NCOA1: variants seen among roughly 807,000 people sequenced by gnomAD.
NCOA1 encodes nuclear receptor coactivator 1.
NCOA1 carries 35 observed loss-of-function variants against 150.9 expected under a neutral mutation model. That is an observed-to-expected ratio of 0.23 (90% CI 0.18 to 0.31). The LOEUF is 0.31. NCOA1 is among the 10% of genes least tolerant of loss of function. The probability of loss-of-function intolerance (pLI) is 1.00; values close to 1 mark genes in which losing one functional copy is unlikely to be tolerated. For missense variants in NCOA1, 1,491 were observed against 1,749.3 expected (o/e 0.85, Z 2.63); for synonymous variants, 590 against 630.0 (o/e 0.94, Z 0.95).
intron 14 of NCOA1, among the ~76,000 whole-genome samples, chr2:24,726,145 A>G (rs1013897371): frequency 2.0e-5 from 3 of 152,130 alleles, no homozygotes; most frequent in African/African-American, 4.8e-5. Flanking sequence ...CATTTGCTGC[A>G]TGGCCTCAGA....
Position 24,768,390 on chromosome 2 carries a change from A to C in NCOA1, c.4325A>C (p.Ter1442SerextTer9). Reference sequence around the variant, plus strand: ...CTCCTTCAGCAGCTACTGACTGAATAACCACTTTTAAAGGAATGTGAAATT... The same window carrying C: ...CTCCTTCAGCAGCTACTGACTGAATCACCACTTTTAAAGGAATGTGAAATT... ...KSLLQQLLTE[*>S] is the part of the protein sequence containing the mutation. Residue 1442 changes from the stop codon to serine, a stop_lost, in exon 23 of 23, where the codon TAA becomes TCA. Transcript: ENST00000348332. The C allele has an allele frequency of 6.2e-7, 1 of 1,603,718 alleles. No homozygotes were observed. Among genetic ancestry groups the C allele is most frequent in the Non-Finnish European group, 8.5e-7 (1 of 1,173,582 alleles).
intron 3 of NCOA1, among the ~76,000 whole-genome samples, chr2:24,638,750 G>A (rs544564205): frequency 5.3e-5 from 8 of 152,252 alleles, no homozygotes; most frequent in African/African-American, 1.9e-4. Context: ...GATTAATGAT[G>A]TTGAGCATGT....
chr2:24,605,586 A>T (rs1668329430), intron 3 of NCOA1, among the ~76,000 whole-genome samples: 1 of 152,200 alleles, frequency 6.6e-6, no homozygotes, highest in Admixed American at 6.5e-5. Context: ...CCTTCCTAGA[A>T]GTAGAATTGC....
rs148492167 is a variant in NCOA1, at chr2:24,746,690, T to C, written c.3706+4504T>C. ...AACTCTAAGTATTCCTCTAATTCAT[T>C]ACCCACAGGCTAGTTCTTTCTGCTA... is the stretch of plus-strand genomic sequence containing the variant. On this transcript the variant is annotated intron_variant, in intron 19 of 22. Transcript: ENST00000348332. Among the ~76,000 whole-genome samples, 5 of 152,346 alleles carry C rather than the reference T, an allele frequency of 3.3e-5. No individual in the cohort carries two copies. In the East Asian group the frequency reaches 9.6e-4, roughly 29 times the overall value.
At chr2:24,686,206 T>A (rs1672396538) in intron 8 of NCOA1, among the ~76,000 whole-genome samples, 1 of 152,124 alleles carries the variant, frequency 6.6e-6, no homozygotes, top group Non-Finnish European at 1.5e-5. Context: ...TTTCACCATG[T>A]TGGCCAGGCT....
At chr2:24,735,267 T>C (rs574659339) in intron 17 of NCOA1, among the ~76,000 whole-genome samples, 1 of 152,296 alleles carries the variant, frequency 6.6e-6, no homozygotes, top group African/African-American at 2.4e-5. Context: ...AAAGGACTAG[T>C]GTCCAGAATA....
In NCOA1 at chr2:24,630,311, G is replaced by A. The variant is rs148837392; in HGVS notation, c.-174-13655G>A. On this transcript the variant is annotated intron_variant, in intron 3 of 22. Coordinates refer to ENST00000348332, the MANE Select transcript of NCOA1 (RefSeq NM_003743.5). ...TTAATCTTAATGCTATACTGTCTTGGTTATAAGAAGGGAATGTGGTTACCT... is the reference window on the plus strand; with the variant it reads ...TTAATCTTAATGCTATACTGTCTTGATTATAAGAAGGGAATGTGGTTACCT... Among the ~76,000 whole-genome samples the A allele has an allele frequency of 2.0e-5, 3 of 152,320 alleles. No individual in the cohort carries two copies. In the East Asian group the frequency reaches 5.8e-4, roughly 29 times the overall value.
At chr2:24,576,170 G>GTTTTTTTTTTTTTTTTTTTTTTTTTTTT (rs869093026) in intron 2 of NCOA1, among the ~76,000 whole-genome samples, 7 of 46,322 alleles carry the variant, frequency 1.5e-4, no homozygotes, top group Non-Finnish European at 3.2e-4. Context: ...TTTGTTTTTT[G>GTTTTTTTTTTTTTTTTTTTTTTTTTTTT]TTTTTTTTTT....
In NCOA1 at chr2:24,706,905, A is replaced by G. The variant is rs774055364; in HGVS notation, c.1435A>G (p.Thr479Ala). The change falls in exon 13 of 23, where the codon ACA becomes GCA. Residue 479 changes from threonine to alanine, a missense_variant. Around this residue, in one of 8 missense-constraint regions of NCOA1, gnomAD observed 703 missense variants for 717.7 expected, o/e 0.98. Transcript: ENST00000348332. ...CCTCAATAATTCTCCTATGGAAGGT[A>G]CAGGAATATCCCTAGCACAGTTCAT... is the stretch of plus-strand genomic sequence containing the variant. Reference protein sequence around the residue: ...LNLNNSPMEGTGISLAQFMSP... With the variant: ...LNLNNSPMEGAGISLAQFMSP... 37 of 1,614,110 alleles carry G rather than the reference A, an allele frequency of 2.3e-5. No individual in the cohort carries two copies. In the African/African-American group the frequency reaches 4.1e-4, roughly 18 times the overall value.
At chr2:24,580,372 A>G (rs1667148995) in intron 2 of NCOA1, among the ~76,000 whole-genome samples, 1 of 152,182 alleles carries the variant, frequency 6.6e-6, no homozygotes, top group South Asian at 2.1e-4. Context: ...CCATGGCAGA[A>G]GGTAGATCTT....
intron 19 of NCOA1, among the ~76,000 whole-genome samples, chr2:24,751,350 A>C (rs1327144950): frequency 1.3e-5 from 2 of 150,502 alleles, no homozygotes; most frequent in Non-Finnish European, 3.0e-5. Context: ...TGGGAGGCCA[A>C]GGCGGGTGGA....
chr2:24,605,267 G>A (rs775752286), intron 3 of NCOA1, among the ~76,000 whole-genome samples: 19 of 152,152 alleles, frequency 1.2e-4, no homozygotes, highest in Non-Finnish European at 2.8e-4. Flanking sequence ...AGACTTGCTT[G>A]GATCAGGGTT....
intron 4 of NCOA1, among the ~76,000 whole-genome samples, chr2:24,651,232 C>T (rs905419528): frequency 1.3e-5 from 2 of 152,016 alleles, no homozygotes; most frequent in Non-Finnish European, 2.9e-5. Context: ...GAAATCAGCT[C>T]ATAAAGCTGT....
At chr2:24,719,933 A>C (rs1674272644) in intron 14 of NCOA1, among the ~76,000 whole-genome samples, 1 of 152,254 alleles carries the variant, frequency 6.6e-6, no homozygotes, top group Non-Finnish European at 1.5e-5. Flanking sequence ...AAAGTATGGC[A>C]CAAGAGAGGA....
chr2:24,651,818 A>C (rs764775238), intron 4 of NCOA1, among the ~76,000 whole-genome samples: 1 of 152,098 alleles, frequency 6.6e-6, no homozygotes, highest in Non-Finnish European at 1.5e-5. Flanking sequence ...AATAGAAATC[A>C]AAACCATGAG....
chr2:24,717,571 A>G (rs1164258954), intron 14 of NCOA1, among the ~76,000 whole-genome samples: 4 of 152,206 alleles, frequency 2.6e-5, no homozygotes, highest in African/African-American at 4.8e-5. Flanking sequence ...CCCTGTGTTC[A>G]TATCATGTAT....
chr2:24,747,299 G>T (rs1032180225), intron 19 of NCOA1, among the ~76,000 whole-genome samples: 1 of 145,448 alleles, frequency 6.9e-6, no homozygotes, highest in Admixed American at 6.8e-5. Flanking sequence ...ATCTTTTCCC[G>T]CTCACATATT....
At chr2:24,720,460 G>A (rs568133664) in intron 14 of NCOA1, among the ~76,000 whole-genome samples, 8 of 152,284 alleles carry the variant, frequency 5.3e-5, no homozygotes, top group South Asian at 2.1e-4. Flanking sequence ...CTTCCCCTCC[G>A]GAGTACAGCT....
intron 7 of NCOA1, among the ~76,000 whole-genome samples, chr2:24,673,779 A>C (rs1050910788): frequency 1.3e-5 from 2 of 152,186 alleles, no homozygotes; most frequent in East Asian, 3.8e-4. Context: ...TATTAGATTT[A>C]CTTAGCTAGC....
Sources: gnomAD v4.1 joint callset for allele counts (sites outside exome capture counted in the v4.1 genomes callset) on GRCh38, gnomAD v4.1.1 for gene constraint, gnomAD v4.1.1 regional missense constraint, MANE v1.5 for transcripts, NCBI Gene and HGNC (gene_info 2026-07-23, HGNC 2026-07-21) for gene names.